SRRM5: variants seen among roughly 807,000 people sequenced by gnomAD.
SRRM5 encodes serine/arginine repetitive matrix 5, also known as serine/arginine repetitive matrix protein 5.
SRRM5 carries 1 observed loss-of-function variant against 1.3 expected under a neutral mutation model. The ratio of observed to expected loss-of-function variants is 0.76; its 90% CI spans 0.27 to 3.59. The LOEUF (loss-of-function observed/expected upper bound fraction) is 3.59, where lower values mean the gene tolerates loss of function less well. Among genes scored for constraint, SRRM5 ranks in the 30% most tolerant of loss-of-function variants. The probability of loss-of-function intolerance (pLI) is 0.19; values close to 1 mark genes in which losing one functional copy is unlikely to be tolerated. For synonymous variants in SRRM5, 275 were observed against 320.2 expected (o/e 0.86, Z 1.51); for missense variants, 875 against 914.5 (o/e 0.96, Z 0.56).
Position 43,612,329 on chromosome 19 carries a change from A to G in SRRM5, c.208A>G (p.Thr70Ala). Residue 70 changes from threonine (T) to alanine (A), a missense_variant, in exon 1 of 1, where the codon ACA becomes GCA. Transcript: ENST00000417606. The surrounding 1 kb of genome is among the most constrained non-coding windows in gnomAD (Gnocchi z 4.2). ...SSSKSTKSTS[T>A]KRAPSNRPSS... ...TTCCAAGTCCACCAAATCGACCAGT[A>G]CAAAAAGAGCCCCTTCTAACCGGCC... 1 of 1,551,686 alleles carries G rather than the reference A, an allele frequency of 6.4e-7. No homozygotes were observed.
In SRRM5 at chr19:43,613,888, G is replaced by C; in HGVS notation, c.1767G>C (p.Glu589Asp). 2 of 1,551,382 alleles carry C rather than the reference G, an allele frequency of 1.3e-6. No individual in the cohort carries two copies. Among genetic ancestry groups the C allele is most frequent in the Non-Finnish European group, 1.7e-6 (2 of 1,146,916 alleles). ...RERRQSRSSS[E>D]ERDHSRSRSP... ...GCAGACAATCTAGAAGCTCCAGCGA[G>C]GAGAGAGATCACAGCCGATCTAGAA... Residue 589 changes from glutamate (E) to aspartate (D), a missense_variant, in exon 1 of 1, where the codon GAG (glutamate) becomes GAC (aspartate). Transcript: ENST00000417606.
In SRRM5 at chr19:43,613,885, C is replaced by T. The variant is rs1389396302; in HGVS notation, c.1764C>T (p.Ser588=). ...AGCGCAGACAATCTAGAAGCTCCAG[C>T]GAGGAGAGAGATCACAGCCGATCTA... ...ERERRQSRSS[S]EERDHSRSRS... Residue 588 remains serine (S), a synonymous_variant, in exon 1 of 1, where the codon AGC becomes AGT. Transcript: ENST00000417606. 3.2e-6 allele frequency: 5 copies of T among 1,551,624 alleles called. No homozygotes were observed. Among genetic ancestry groups the T allele is most frequent in the South Asian group, 2.4e-5 (2 of 84,062 alleles).
At position 43,612,419 on chromosome 19, in the gene SRRM5, A is replaced by G. The variant is rs993495346; in HGVS notation, c.298A>G (p.Thr100Ala). 39 of 1,551,266 alleles carry G rather than the reference A, an allele frequency of 2.5e-5. No homozygotes were observed. In the Admixed American group the frequency reaches 3.5e-4, roughly 14 times the overall value. The change falls in exon 1 of 1, where the codon ACC becomes GCC. Residue 100 changes from threonine to alanine, a missense_variant. Coordinates refer to ENST00000417606, the MANE Select transcript of SRRM5 (RefSeq NM_001145641.2). The surrounding 1 kb of genome is among the most constrained non-coding windows in gnomAD (Gnocchi z 4.2). ...TPSRVSTDTRTSKASKASDVR... is the reference protein window; with the variant it reads ...TPSRVSTDTRASKASKASDVR... ...CAGCAGGGTGAGCACCGACACCAGG[A>G]CCAGCAAAGCCAGCAAGGCCAGCGA...
Position 43,613,170 on chromosome 19 carries a change from G to C in SRRM5, c.1049G>C (p.Gly350Ala). The change falls in exon 1 of 1, where the codon GGA (glycine) becomes GCA (alanine). Residue 350 changes from glycine (G) to alanine (A), a missense_variant. By Grantham distance (60) the Gly-to-Ala change is moderately conservative. Coordinates refer to ENST00000417606, the MANE Select transcript of SRRM5 (RefSeq NM_001145641.2). The stretch of plus-strand genomic sequence containing the variant: ...AACCAATCTAGAACCCCCAGAAGAG[G>C]AAGAAGTCACAACTGGTCTAGAAAC... ...SQNQSRTPRR[G>A]RSHNWSRNPS... The C allele has an allele frequency of 6.4e-7, 1 of 1,551,642 alleles. No individual in the cohort carries two copies. Among genetic ancestry groups the C allele is most frequent in the Non-Finnish European group, 8.7e-7 (1 of 1,146,988 alleles).
At position 43,614,473 on chromosome 19, in the gene SRRM5, A is replaced by G; in HGVS notation, c.*204A>G. 1.4e-6 allele frequency: 2 copies of G among 1,426,950 alleles called. No homozygotes were observed. The highest frequency in any genetic ancestry group is 2.2e-4 in the Middle Eastern group (1 of 4,458). The allele number at this position is 1,426,950 out of a possible 1,614,324, so 88.4% of individuals were successfully genotyped here. On this transcript the variant is annotated 3_prime_UTR_variant, in exon 1 of 1. Coordinates refer to ENST00000417606, the MANE Select transcript of SRRM5 (RefSeq NM_001145641.2). ...AAGGAAAGACCTGTGATGATTCAAT[A>G]AATTTTTACATAGCACCCATCCCCA...
rs774460116 is a variant in SRRM5 at position 43,614,031 on chromosome 19, A to C, written c.1910A>C (p.Lys637Thr). ...GNHSQSRTSS[K>T]ESDPSQSTVP... ...CATAGCCAATCTAGAACCTCTAGCA[A>C]GGAGAGCGACCCCAGTCAATCTACA... Residue 637 changes from lysine (K) to threonine (T), a missense_variant, in exon 1 of 1, where the codon AAG becomes ACG. Lys to Thr is a moderately conservative substitution (Grantham distance 78). Coordinates refer to ENST00000417606, the MANE Select transcript of SRRM5 (RefSeq NM_001145641.2). 2.6e-6 allele frequency: 4 copies of C among 1,551,946 alleles called. No individual in the cohort carries two copies. The highest frequency in any genetic ancestry group is 3.5e-6 in the Non-Finnish European group (4 of 1,147,074).
chr19:43,613,873 T>C lies in SRRM5; in HGVS notation c.1752T>C (p.Ser584=). ...SPSKERERRQ[S]RSSSEERDHS... is the part of the protein sequence containing the mutation. ...GCAAGGAGAGAGAGCGCAGACAATC[T>C]AGAAGCTCCAGCGAGGAGAGAGATC... Residue 584 remains serine, a synonymous_variant, in exon 1 of 1, where the codon TCT becomes TCC. Transcript: ENST00000417606. 2 of 1,551,428 alleles carry C rather than the reference T, an allele frequency of 1.3e-6. No homozygotes were observed. Among genetic ancestry groups the C allele is most frequent in the South Asian group, 1.2e-5 (1 of 84,054 alleles).
Position 43,613,679 on chromosome 19 carries a change from G to C in SRRM5, c.1558G>C (p.Asp520His). ...ATCTAGAAGCTCCAGCAAAGAGAGA[G>C]ATCACAGACGATCTAGAAGCCCCAG... ...RQSRSSSKER[D>H]HRRSRSPSKE... Residue 520 changes from aspartate (D) to histidine (H), a missense_variant, in exon 1 of 1, where the codon GAT becomes CAT. By Grantham distance (81) the Asp-to-His change is moderately conservative (BLOSUM62 -1). Transcript: ENST00000417606. The C allele has an allele frequency of 6.4e-7, 1 of 1,551,536 alleles. No individual in the cohort carries two copies. The highest frequency in any genetic ancestry group is 8.7e-7 in the Non-Finnish European group (1 of 1,146,962).
chr19:43,613,782 A>G lies in SRRM5; in HGVS notation c.1661A>G (p.Glu554Gly), dbSNP rs1430934148. 8.4e-6 allele frequency: 13 copies of G among 1,549,774 alleles called. No homozygotes were observed. Among genetic ancestry groups the G allele is most frequent in the African/African-American group, 1.4e-5 (1 of 72,930 alleles). The stretch of plus-strand genomic sequence containing the variant: ...AGCCAATCTAGAAGCCCCAGCGAGG[A>G]GAGAGAGCACAGACAATCCAGAAGC... ...DRSQSRSPSEEREHRQSRSPS... is the reference protein window; with the variant it reads ...DRSQSRSPSEGREHRQSRSPS... The change falls in exon 1 of 1, where the codon GAG becomes GGG. Residue 554 changes from glutamate (E) to glycine (G), a missense_variant. Physicochemically the swap from Glu to Gly is moderately conservative, Grantham distance 98. Coordinates refer to ENST00000417606, the MANE Select transcript of SRRM5 (RefSeq NM_001145641.2).
In SRRM5 at chr19:43,613,852, GGA is replaced by G; in HGVS notation, c.1739_1740del (p.Glu580AlafsTer5). ...GCAGACGATGGAGAAGCCCCAGCAA[GGA>G]GAGAGAGCGCAGACAATCTAGAAGC... On this transcript the variant is annotated frameshift_variant, in exon 3 of 3. Transcript: ENST00000607544. LOFTEE classifies it low-confidence loss of function (END_TRUNC). The G allele has an allele frequency of 2.6e-6, 4 of 1,551,444 alleles. No homozygotes were observed. Among genetic ancestry groups the G allele is most frequent in the East Asian group, 2.4e-5 (1 of 40,916 alleles).
chr19:43,614,261 C>T lies in SRRM5; in HGVS notation c.2140C>T (p.Leu714=), dbSNP rs759591330. ...AAGGTCTTCATCATCTTCTTCCAAG[C>T]TGGCGTAGCCCCCAGTCTCAGCTGG... is the stretch of plus-strand genomic sequence containing the variant. ...GERSSSSSSK[L]A Residue 714 remains leucine, a synonymous_variant, in exon 1 of 1, where the codon CTG becomes TTG. Transcript: ENST00000417606. 6.2e-7 allele frequency: 1 copy of T among 1,613,712 alleles called. No homozygotes were observed. The highest frequency in any genetic ancestry group is 1.1e-5 in the South Asian group (1 of 91,018).
At position 43,613,492 on chromosome 19, in the gene SRRM5, G is replaced by A. The variant is rs911328995; in HGVS notation, c.1371G>A (p.Lys457=). 20 of 1,545,832 alleles carry A rather than the reference G, an allele frequency of 1.3e-5. No homozygotes were observed. In the African/African-American group the frequency reaches 2.8e-4, roughly 21 times the overall value. ...GCAGCCGATCTAGAAGTCCCAACAA[G>A]GCAAGAGATCATAGCCGATCTAGAA... ...RDRSRSRSPN[K]ARDHSRSRSP... The change falls in exon 1 of 1, where the codon AAG becomes AAA. Residue 457 remains lysine, a synonymous_variant. Transcript: ENST00000417606.
At position 43,614,316 on chromosome 19, in the gene SRRM5, G is replaced by A. The variant is rs1168361548; in HGVS notation, c.*47G>A. 2 of 1,594,394 alleles carry A rather than the reference G, an allele frequency of 1.3e-6. No homozygotes were observed. The highest frequency in any genetic ancestry group is 8.5e-7 in the Non-Finnish European group (1 of 1,170,388). On this transcript the variant is annotated 3_prime_UTR_variant, in exon 1 of 1. Transcript: ENST00000417606. ...CGGGTCTCTGTCATGACCGGGGGAG[G>A]GGACAGGAGACAGGAGCAGAGCAGC... is the stretch of plus-strand genomic sequence containing the variant.
Position 43,613,654 on chromosome 19 carries a change from A to G in SRRM5, c.1533A>G (p.Gln511=), listed in dbSNP as rs539989072. The change falls in exon 1 of 1, where the codon CAA becomes CAG. Residue 511 remains glutamine (Q), a synonymous_variant. Transcript: ENST00000417606. ...RSPSKERQCR[Q]SRSSSKERDH... ...CCAGCAAGGAGAGACAGTGCAGACAATCTAGAAGCTCCAGCAAAGAGAGAG... is the reference window on the plus strand; with the variant it reads ...CCAGCAAGGAGAGACAGTGCAGACAGTCTAGAAGCTCCAGCAAAGAGAGAG... 1.6e-5 allele frequency: 25 copies of G among 1,548,156 alleles called. No individual in the cohort carries two copies. The African/African-American group carries it at 3.4e-4, about 21-fold the overall frequency.
In SRRM5 at chr19:43,613,276, GGA is replaced by G. The variant is rs1973324534; in HGVS notation, c.1159_1160del (p.Ser387TrpfsTer18). 3.2e-6 allele frequency: 5 copies of G among 1,551,630 alleles called. No homozygotes were observed. Among genetic ancestry groups the G allele is most frequent in the Non-Finnish European group, 4.4e-6 (5 of 1,146,984 alleles). ...ACAGGGGATCTAGCAGCCCCAGGAA[GGA>G]GAGTGGTCGCAGTCAATCAGGAAGC... On this transcript the variant is annotated frameshift_variant, in exon 3 of 3. Transcript: ENST00000607544. LOFTEE classifies it low-confidence loss of function (END_TRUNC).
rs1973320233 is a variant in SRRM5, at chr19:43,613,003, T to C, written c.882T>C (p.Ser294=). The C allele has an allele frequency of 6.4e-7, 1 of 1,551,408 alleles. No individual in the cohort carries two copies. Among genetic ancestry groups the C allele is most frequent in the Non-Finnish European group, 8.7e-7 (1 of 1,146,926 alleles). ...GCCCCAGAAGGTCAAGAAGTGGCAG[T>C]CAGAAGAGGACGCACAGCAGAGTGA... is the stretch of plus-strand genomic sequence containing the variant. ...SRSPRRSRSG[S]QKRTHSRVRS... is the part of the protein sequence containing the mutation. The change falls in exon 1 of 1, where the codon AGT becomes AGC. Residue 294 remains serine (S), a synonymous_variant. Transcript: ENST00000417606.
Position 43,613,218 on chromosome 19 carries a change from G to A in SRRM5, c.1097G>A (p.Ser366Asn), listed in dbSNP as rs1277228631. The A allele has an allele frequency of 7.7e-6, 12 of 1,551,588 alleles. No individual in the cohort carries two copies. In the African/African-American group the frequency reaches 9.6e-5, roughly 12 times the overall value. The change falls in exon 1 of 1, where the codon AGC (serine) becomes AAC (asparagine). Residue 366 changes from serine (S) to asparagine (N), a missense_variant. Transcript: ENST00000417606. The part of the protein sequence containing the change: ...SRNPSKERSH[S>N]HSRSSSKERD... ...AACCCCAGCAAGGAAAGAAGTCATA[G>A]CCATTCCAGAAGCTCCAGCAAAGAG... is the stretch of plus-strand genomic sequence containing the variant.
In SRRM5 at chr19:43,614,154, C is replaced by T. The variant is rs1286509403; in HGVS notation, c.2033C>T (p.Thr678Ile). Residue 678 changes from threonine to isoleucine, a missense_variant, in exon 1 of 1, where the codon ACA becomes ATA. Physicochemically the swap from Thr to Ile is moderately conservative, Grantham distance 89. Coordinates refer to ENST00000417606, the MANE Select transcript of SRRM5 (RefSeq NM_001145641.2). ...PSKTSSHSPS[T>I]FPSGGQTLSQ... ...AAGACAAGCAGCCACTCCCCATCAACATTTCCCAGTGGGGGCCAAACCCTA... is the reference window on the plus strand; with the variant it reads ...AAGACAAGCAGCCACTCCCCATCAATATTTCCCAGTGGGGGCCAAACCCTA... 5 of 1,613,724 alleles carry T rather than the reference C, an allele frequency of 3.1e-6. No homozygotes were observed. The highest frequency in any genetic ancestry group is 1.7e-6 in the Non-Finnish European group (2 of 1,179,840).
rs375056368 is a variant in SRRM5 at position 43,612,857 on chromosome 19, G to A, written c.736G>A (p.Gly246Ser). 6.1e-5 allele frequency: 94 copies of A among 1,551,652 alleles called. No individual in the cohort carries two copies. Among genetic ancestry groups the A allele is most frequent in the South Asian group, 2.6e-4 (22 of 84,060 alleles). The change falls in exon 1 of 1, where the codon GGT (glycine) becomes AGT (serine). Residue 246 changes from glycine (G) to serine (S), a missense_variant. Gly to Ser is a moderately conservative substitution (Grantham distance 56, BLOSUM62 0). Transcript: ENST00000417606. This position sits in a 1 kb window ranked among gnomAD's most constrained non-coding sequence, Gnocchi z 4.2. ...CTCATCAAGGAAGGTGAAGAGCTAC[G>A]GTCAGATGATCATCCCCAGTAGGGA... ...PSSSRKVKSY[G>S]QMIIPSREKS...
Sources: allele counts gnomAD v4.1 joint callset, GRCh38; gene constraint gnomAD v4.1.1; non-coding constraint Gnocchi (gnomAD v3.1); transcripts MANE v1.5; gene names NCBI Gene and HGNC (gene_info 2026-07-23, HGNC 2026-07-21).